Variants in CDC123 observed in about 807,000 individuals in gnomAD.
The protein encoded by CDC123 is translation initiation factor eIF2 assembly protein.
In CDC123, 37 loss-of-function variants were observed where a neutral mutation model predicts 54.4. That is an observed-to-expected ratio of 0.68 (90% CI 0.52 to 0.89). The LOEUF (loss-of-function observed/expected upper bound fraction) is 0.89. CDC123 is among the 40% of genes least tolerant of loss of function. The pLI, the probability that CDC123 is intolerant of heterozygous loss-of-function variation, is 0.00. For missense variants in CDC123, 361 were observed against 412.1 expected (o/e 0.88, Z 1.07); for synonymous variants, 144 against 136.8 (o/e 1.05, Z -0.37).
chr10:12,217,294 A>G, intron 5 of CDC123, 67 bp from the exon 6 acceptor site: 4 of 1,483,430 alleles, frequency 2.7e-6, no homozygotes, highest in East Asian at 2.3e-5. Context: ...TGATTTTGTT[A>G]TAGGCCTGAG....
intron 6 of CDC123, 129 bp downstream of exon 6, chr10:12,217,596 C>A: frequency 1.2e-6 from 1 of 850,700 alleles, no homozygotes; most frequent in Non-Finnish European, 1.7e-6. Flanking sequence ...TTCATATTGC[C>A]AAAATGACCT....
intron 6 of CDC123, among the ~76,000 whole-genome samples, chr10:12,218,619 T>C (rs1244868463): frequency 6.6e-6 from 1 of 152,158 alleles, no homozygotes; most frequent in African/African-American, 2.4e-5. Context: ...TATTTTCCAT[T>C]CCCTTAGTGC....
At chr10:12,230,726 A>T (rs922198704) in intron 6 of CDC123, among the ~76,000 whole-genome samples, 1 of 152,242 alleles carries the variant, frequency 6.6e-6, no homozygotes, top group Non-Finnish European at 1.5e-5. Flanking sequence ...AGTCTTGCTC[A>T]TAACATTGTT....
In CDC123 at chr10:12,210,322, G is replaced by A. The variant is rs758301266; in HGVS notation, c.237G>A (p.Thr79=). Residue 79 remains threonine, a splice_region_variant and synonymous_variant, in exon 4 of 13, where the codon ACG becomes ACA. Coordinates refer to ENST00000281141, the MANE Select transcript of CDC123 (RefSeq NM_006023.3). Reference sequence around the variant, plus strand: ...ATGATGAGAACACAGCCACGCTTACGGTAAGAGCACAGCAGACTCAGCGTG... The same window carrying A: ...ATGATGAGAACACAGCCACGCTTACAGTAAGAGCACAGCAGACTCAGCGTG... The part of the protein sequence containing the change: ...WSDDENTATL[T]APEFPEFATK... 33 of 1,613,846 alleles carry A rather than the reference G, an allele frequency of 2.0e-5. No homozygotes were observed. The highest frequency in any genetic ancestry group is 6.7e-5 in the East Asian group (3 of 44,898).
At chr10:12,233,156 A>G (rs1447883247) in intron 7 of CDC123, among the ~76,000 whole-genome samples, 1 of 152,072 alleles carries the variant, frequency 6.6e-6, no homozygotes, top group Non-Finnish European at 1.5e-5. Flanking sequence ...ATTATCATGT[A>G]TATAAGATTT....
In CDC123 at chr10:12,250,312, A is replaced by C. The variant is rs1836222952; in HGVS notation, c.986A>C (p.Lys329Thr). The C allele has an allele frequency of 6.3e-7, 1 of 1,586,426 alleles. No individual in the cohort carries two copies. The highest frequency in any genetic ancestry group is 8.6e-7 in the Non-Finnish European group (1 of 1,160,006). Residue 329 changes from lysine to threonine, a missense_variant and splice_region_variant, in exon 13 of 13, where the codon AAG (lysine) becomes ACG (threonine). Lys to Thr is a moderately conservative substitution (Grantham distance 78). Coordinates refer to ENST00000281141, the MANE Select transcript of CDC123 (RefSeq NM_006023.3). ...AHKLIDFLKL[K>T]RNQQEDD ...CATCCCCTTGGTTTTCTTTGACAGA[A>C]GAGAAATCAGCAGGAGGACGACTGA...
intron 10 of CDC123, chr10:12,245,158 C>T (rs1055359160): frequency 1.3e-5 from 2 of 152,334 alleles, no homozygotes; most frequent in Non-Finnish European, 2.9e-5. Context: ...GTCCGGCTCC[C>T]CCTGAACAGA....
At chr10:12,206,533 C>T (rs1016487201) in intron 2 of CDC123, among the ~76,000 whole-genome samples, 31 of 152,114 alleles carry the variant, frequency 2.0e-4, no homozygotes, top group Non-Finnish European at 2.5e-4. Flanking sequence ...TGGGGAAGGC[C>T]GGGTGCAGTG....
intron 10 of CDC123, among the ~76,000 whole-genome samples, chr10:12,242,659 T>C (rs963889656): frequency 3.3e-5 from 5 of 152,164 alleles, no homozygotes; most frequent in African/African-American, 1.2e-4. Flanking sequence ...AAACATGTTA[T>C]GGCCGGGCGT....
chr10:12,242,531 C>T (rs1315728371), intron 10 of CDC123, among the ~76,000 whole-genome samples: 1 of 152,146 alleles, frequency 6.6e-6, no homozygotes, highest in African/African-American at 2.4e-5. Context: ...AGAGCTTGAT[C>T]GGGGCAGGGA....
At chr10:12,237,072 G>T in intron 8 of CDC123, 72 bp from the exon 9 acceptor site, 1 of 1,420,348 alleles carries the variant, frequency 7.0e-7, no homozygotes, top group Non-Finnish European at 9.2e-7. Flanking sequence ...TCCACAAAAT[G>T]TTTAAATCAC....
At chr10:12,203,135 CCAGA>C (rs1366289092) in intron 2 of CDC123, among the ~76,000 whole-genome samples, 5 of 152,186 alleles carry the variant, frequency 3.3e-5, no homozygotes, top group Admixed American at 6.5e-5. Context: ...GTGCCACCTT[CCAGA>C]AGCTCCATGT....
At chr10:12,204,230 C>T (rs1021760894) in intron 2 of CDC123, among the ~76,000 whole-genome samples, 2 of 152,100 alleles carry the variant, frequency 1.3e-5, no homozygotes, top group African/African-American at 4.8e-5. Context: ...CTGGGTCTGA[C>T]GCAGGTGGTA....
chr10:12,249,564 T>C lies in CDC123; in HGVS notation c.847-17T>C, dbSNP rs1404613653. 1.2e-6 allele frequency: 2 copies of C among 1,601,626 alleles called. No individual in the cohort carries two copies. The highest frequency in any genetic ancestry group is 2.2e-5 in the East Asian group (1 of 44,824). ...ATAAATGATTGATATTCTTTCTCCT[T>C]TTTCTTCTTTGTACAGGATTCCCCA... On this transcript the variant is annotated splice_polypyrimidine_tract_variant and intron_variant, in intron 11 of 12. Transcript: ENST00000281141.
chr10:12,226,540 G>C (rs1448694149), intron 6 of CDC123, among the ~76,000 whole-genome samples: 1 of 150,572 alleles, frequency 6.6e-6, no homozygotes, highest in Non-Finnish European at 1.5e-5. Context: ...TCCCAGACGG[G>C]GTGGAGGTTG....
chr10:12,207,304 T>C (rs1835536191), intron 2 of CDC123, among the ~76,000 whole-genome samples: 1 of 152,184 alleles, frequency 6.6e-6, no homozygotes, highest in Admixed American at 6.5e-5. Context: ...ATGTTTTCAG[T>C]GTCTACAAGT....
intron 7 of CDC123, among the ~76,000 whole-genome samples, chr10:12,232,066 C>T (rs942098639): frequency 5.3e-5 from 8 of 151,976 alleles, no homozygotes; most frequent in African/African-American, 1.9e-4. Flanking sequence ...AGGCTGGTCT[C>T]GAACTCCTGA....
At chr10:12,238,678 C>A (rs1836011735) in intron 10 of CDC123, among the ~76,000 whole-genome samples, 193 bp downstream of exon 10, 1 of 151,802 alleles carries the variant, frequency 6.6e-6, no homozygotes, top group Non-Finnish European at 1.5e-5. Flanking sequence ...GAGTTCGAGA[C>A]TAGCCTGGGC....
intron 5 of CDC123, among the ~76,000 whole-genome samples, chr10:12,216,968 C>T (rs763113385): frequency 3.9e-5 from 6 of 152,166 alleles, no homozygotes; most frequent in Admixed American, 2.0e-4. Context: ...TCCCCAGAAA[C>T]GGGAAGAGTG....
Sources: gnomAD v4.1 joint callset for allele counts (sites outside exome capture counted in the v4.1 genomes callset) on GRCh38, gnomAD v4.1.1 for gene constraint, MANE v1.5 for transcripts, NCBI Gene and HGNC (gene_info 2026-07-23, HGNC 2026-07-21) for gene names.